The following GALNTL6 variants were observed in gnomAD, a reference collection of about 807,000 sequenced individuals.
GALNTL6 encodes the protein polypeptide N-acetylgalactosaminyltransferase-like 6.
In GALNTL6, 46 loss-of-function variants were observed where a neutral mutation model predicts 73.7. The ratio of observed to expected loss-of-function variants is 0.62; its 90% CI spans 0.49 to 0.80. GALNTL6 has a LOEUF of 0.80. Ranked by LOEUF, GALNTL6 falls within the 30% of genes least tolerant of loss-of-function variation. GALNTL6 has a pLI of 0.00. For missense variants in GALNTL6, 604 were observed against 755.0 expected (o/e 0.80, Z 2.34); for synonymous variants, 259 against 263.7 (o/e 0.98, Z 0.17).
At chr4:172,062,717 A>T in intron 2 of GALNTL6, among the ~76,000 whole-genome samples, 1 of 152,244 alleles carries the variant, frequency 6.6e-6, no homozygotes, top group East Asian at 1.9e-4. Flanking sequence ...TATGACTGGA[A>T]TCACTTGGCC....
intron 2 of GALNTL6, among the ~76,000 whole-genome samples, chr4:172,092,933 G>A (rs1452847580): frequency 2.0e-5 from 3 of 149,328 alleles, no homozygotes; most frequent in East Asian, 2.0e-4. Context: ...CAGTGCAGTG[G>A]CATGATCTCA....
intron 5 of GALNTL6, among the ~76,000 whole-genome samples, chr4:172,544,770 A>G (rs1045999577): frequency 6.6e-6 from 1 of 152,216 alleles, no homozygotes; most frequent in South Asian, 2.1e-4. Flanking sequence ...CCATATGTAC[A>G]GTATGAAGGT....
intron 5 of GALNTL6, among the ~76,000 whole-genome samples, chr4:172,588,729 A>G (rs1256330611): frequency 6.6e-6 from 1 of 152,160 alleles, no homozygotes; most frequent in Non-Finnish European, 1.5e-5. Flanking sequence ...AATACAGTTT[A>G]AAAGACTGAA....
At chr4:172,624,537 CAG>C (rs1273173996) in intron 5 of GALNTL6, among the ~76,000 whole-genome samples, 2 of 152,002 alleles carry the variant, frequency 1.3e-5, no homozygotes, top group Admixed American at 1.3e-4. Flanking sequence ...GAATCTGAAT[CAG>C]ATTGAATCTG....
rs34153108 is a variant in GALNTL6, at chr4:172,891,121, C to CTT, written c.1041+8225_1041+8226dup. ...TCTTGAAGACAGCAGAAGGTTGGGC[C>CTT]TTTTTTTTTTTTAATCCAACTTGCC... On this transcript the variant is annotated intron_variant, in intron 8 of 12. Coordinates refer to ENST00000506823, the MANE Select transcript of GALNTL6 (RefSeq NM_001034845.3). Among the ~76,000 whole-genome samples the CTT allele has an allele frequency of 1.0e-2, 1,418 of 142,092 alleles. 23 individuals carry two copies. The highest frequency in any genetic ancestry group is 0.034 in the African/African-American group (1,333 of 39,354). 93.2% of individuals were successfully genotyped at this position (142,092 alleles called of 152,430 possible).
chr4:172,725,885 G>T (rs1187010267), intron 5 of GALNTL6, among the ~76,000 whole-genome samples: 1 of 152,194 alleles, frequency 6.6e-6, no homozygotes, highest in Non-Finnish European at 1.5e-5. Flanking sequence ...GGTTTATAGG[G>T]ATAATAATGG....
chr4:172,361,648 C>T (rs150930950), intron 5 of GALNTL6, among the ~76,000 whole-genome samples: 1,867 of 152,148 alleles, frequency 0.012, 23 homozygotes, highest in Non-Finnish European at 0.015. Flanking sequence ...TGTCTGCAAA[C>T]GGGGTTAACC....
At chr4:172,393,292 C>A (rs1387617880) in intron 5 of GALNTL6, among the ~76,000 whole-genome samples, 1 of 152,184 alleles carries the variant, frequency 6.6e-6, no homozygotes, top group Non-Finnish European at 1.5e-5. Context: ...ATAAGCACTT[C>A]TAGGAACTGG....
At position 172,641,948 on chromosome 4, in the gene GALNTL6, A is replaced by G. The variant is rs555483942; in HGVS notation, c.554-167413A>G. Among the ~76,000 whole-genome samples the G allele has an allele frequency of 3.3e-5, 5 of 152,228 alleles. No individual in the cohort carries two copies. In the East Asian group the frequency reaches 7.7e-4, roughly 24 times the overall value. On this transcript the variant is annotated intron_variant, in intron 5 of 12. Transcript: ENST00000506823. ...TGAATTAACTTTTGCAAAAGAAGAT[A>G]TACAAAGGGCCAACAGGTATATGAA...
chr4:171,820,004 T>A (rs1391576810), intron 2 of GALNTL6, among the ~76,000 whole-genome samples: 1 of 152,170 alleles, frequency 6.6e-6, no homozygotes, highest in African/African-American at 2.4e-5. Flanking sequence ...AAACTTGCTC[T>A]CCTTATCACC....
At chr4:172,109,144 G>C (rs1471567055) in intron 2 of GALNTL6, among the ~76,000 whole-genome samples, 1 of 150,322 alleles carries the variant, frequency 6.7e-6, no homozygotes, top group Non-Finnish European at 1.5e-5. Flanking sequence ...TTGACTTTTT[G>C]AGAATTCACT....
intron 5 of GALNTL6, among the ~76,000 whole-genome samples, chr4:172,789,515 A>C (rs572232039): frequency 6.6e-6 from 1 of 152,140 alleles, no homozygotes; most frequent in Non-Finnish European, 1.5e-5. Context: ...GAATCCAAAA[A>C]ATTGGACACC....
chr4:172,585,746 A>ACC (rs1344307183), intron 5 of GALNTL6, among the ~76,000 whole-genome samples: 2 of 152,182 alleles, frequency 1.3e-5, no homozygotes, highest in East Asian at 3.8e-4. Flanking sequence ...TACTAGAATG[A>ACC]TTGATAATCC....
At chr4:172,734,581 G>A (rs550004693) in intron 5 of GALNTL6, among the ~76,000 whole-genome samples, 16 of 152,272 alleles carry the variant, frequency 1.1e-4, no homozygotes, top group African/African-American at 2.6e-4. Context: ...TCACACTGCC[G>A]CAAGAGGTGG....
intron 2 of GALNTL6, among the ~76,000 whole-genome samples, chr4:171,938,390 C>T (rs1738418724): frequency 6.6e-6 from 1 of 152,084 alleles, no homozygotes; most frequent in Admixed American, 6.6e-5. Flanking sequence ...TAGACCCTGC[C>T]ATTTCTTTGT....
At chr4:172,463,487 C>T (rs1450581892) in intron 5 of GALNTL6, among the ~76,000 whole-genome samples, 3 of 152,092 alleles carry the variant, frequency 2.0e-5, no homozygotes, top group African/African-American at 4.8e-5. Context: ...AGAAATTGAC[C>T]GTGCTTTGTA....
At chr4:172,974,300 CCTTT>C (rs1187593328) in intron 10 of GALNTL6, among the ~76,000 whole-genome samples, 1 of 152,060 alleles carries the variant, frequency 6.6e-6, no homozygotes, top group Non-Finnish European at 1.5e-5. Context: ...GCAGATGGCA[CCTTT>C]CTGTCTACCT....
chr4:172,214,809 G>A (rs1283209836), intron 2 of GALNTL6, among the ~76,000 whole-genome samples: 1 of 151,940 alleles, frequency 6.6e-6, no homozygotes, highest in Non-Finnish European at 1.5e-5. Flanking sequence ...CACCGTGCCC[G>A]GCCTTTTGAT....
chr4:172,446,055 T>C (rs1732008102), intron 5 of GALNTL6, among the ~76,000 whole-genome samples: 1 of 152,052 alleles, frequency 6.6e-6, no homozygotes, highest in Non-Finnish European at 1.5e-5. Context: ...ATACATCCTA[T>C]CAAAATAAAA....
Sources: allele counts gnomAD v4.1 joint callset (sites outside exome capture counted in the v4.1 genomes callset), GRCh38; gene constraint gnomAD v4.1.1; transcripts MANE v1.5; gene names NCBI Gene and HGNC (gene_info 2026-07-23, HGNC 2026-07-21).